The following RFTN1 variants were observed in gnomAD, a reference collection of about 807,000 sequenced individuals.
RFTN1 encodes the protein raftlin, lipid raft linker 1, also known as raftlin.
In RFTN1, 26 loss-of-function variants were observed where a neutral mutation model predicts 46.5. The ratio of observed to expected loss-of-function variants is 0.56; its 90% CI spans 0.41 to 0.78. RFTN1 has a LOEUF of 0.78. Among genes scored for constraint, RFTN1 ranks in the 30% least tolerant of loss-of-function variants. The pLI is 0.00. For synonymous variants in RFTN1, 261 were observed against 284.2 expected, an observed-to-expected ratio of 0.92 and a Z score of 0.82; for missense variants, 693 against 718.7, an observed-to-expected ratio of 0.96 and a Z score of 0.41.
intron 1 of RFTN1, among the ~76,000 whole-genome samples, chr3:16,496,531 T>C (rs2076628911): frequency 6.6e-6 from 1 of 152,180 alleles, no homozygotes; most frequent in African/African-American, 2.4e-5. Context: ...CACAGTGAGA[T>C]TTAACAGGCA....
intron 2 of RFTN1, among the ~76,000 whole-genome samples, chr3:16,438,445 C>T (rs2075557034): frequency 6.6e-6 from 1 of 151,638 alleles, no homozygotes; most frequent in Non-Finnish European, 1.5e-5. Flanking sequence ...ATTAGCTGCG[C>T]ATGTTGGCGT....
intron 4 of RFTN1, among the ~76,000 whole-genome samples, chr3:16,395,558 C>G (rs372285012): frequency 1.1e-4 from 16 of 152,058 alleles, no homozygotes; most frequent in Non-Finnish European, 1.5e-4. Context: ...AGATCCACCC[C>G]CCTCGGCCTC....
intron 2 of RFTN1, among the ~76,000 whole-genome samples, chr3:16,455,360 T>C (rs1473032407): frequency 1.3e-5 from 2 of 152,062 alleles, no homozygotes; most frequent in Non-Finnish European, 2.9e-5. Flanking sequence ...TATGTGAAAA[T>C]CCTCACGCTA....
Position 16,320,374 on chromosome 3 carries a change from GTTTCT to G in RFTN1, c.1332+2997_1332+3001del, listed in dbSNP as rs972224900. ...ACATCCTCGGTGTGCCAATCTTGCA[GTTTCT>G]TTTCTTAAGTTTTAATGCTAGACAT... On this transcript the variant is annotated intron_variant, in intron 9 of 9. Coordinates refer to ENST00000334133, the MANE Select transcript of RFTN1 (RefSeq NM_015150.2). This position sits in a 1 kb window ranked among gnomAD's most constrained non-coding sequence, Gnocchi z 4.5. 1.1e-4 allele frequency among the ~76,000 whole-genome samples: 17 copies of G among 152,326 alleles called. No homozygotes were observed. The highest frequency in any genetic ancestry group is 3.4e-3 in the Middle Eastern group (1 of 294).
At chr3:16,441,675 C>T (rs1246122476) in intron 2 of RFTN1, among the ~76,000 whole-genome samples, 1 of 152,218 alleles carries the variant, frequency 6.6e-6, no homozygotes, top group African/African-American at 2.4e-5. Flanking sequence ...GTGACTTTAA[C>T]CTAATTATTC....
chr3:16,340,997 G>A (rs754805875), intron 7 of RFTN1, among the ~76,000 whole-genome samples: 8 of 152,148 alleles, frequency 5.3e-5, no homozygotes, highest in Non-Finnish European at 1.0e-4. Flanking sequence ...ATGGGCAAAA[G>A]TTCTAAACAA....
chr3:16,459,194 G>A lies in RFTN1; in HGVS notation c.146-25157C>T, dbSNP rs377216519. Among the ~76,000 whole-genome samples the A allele has an allele frequency of 6.6e-6, 1 of 152,128 alleles. No homozygotes were observed. The highest frequency in any genetic ancestry group is 1.5e-5 in the Non-Finnish European group (1 of 68,026). ...AATCCACTCGCCTTAGCCTCCCAAA[G>A]TGCTGGAATTACAGGTATGAGCCAC... On this transcript the variant is annotated intron_variant, in intron 2 of 9. Coordinates refer to ENST00000334133, the MANE Select transcript of RFTN1 (RefSeq NM_015150.2). This position sits in a 1 kb window ranked among gnomAD's most constrained non-coding sequence, Gnocchi z 4.2.
chr3:16,320,311 C>CT lies in RFTN1; in HGVS notation c.1332+3064dup, dbSNP rs1487873409. ...GCTGAAAAGTCCTGATTAGAAAAAT[C>CT]TATCCATGTTGCTGATTAAAAGAAG... is the stretch of plus-strand genomic sequence containing the variant. On this transcript the variant is annotated intron_variant, in intron 9 of 9. Coordinates refer to ENST00000334133, the MANE Select transcript of RFTN1 (RefSeq NM_015150.2). This position sits in a 1 kb window ranked among gnomAD's most constrained non-coding sequence, Gnocchi z 4.5. Among the ~76,000 whole-genome samples the CT allele has an allele frequency of 2.6e-5, 4 of 152,224 alleles. No homozygotes were observed. The highest frequency in any genetic ancestry group is 9.6e-5 in the African/African-American group (4 of 41,458).
In RFTN1 at chr3:16,398,244, C is replaced by CAAAAAAAAAAAAAAAAAAA. The variant is rs202032095; in HGVS notation, c.441+11112_441+11130dup. Among the ~76,000 whole-genome samples, 23 of 110,928 alleles carry CAAAAAAAAAAAAAAAAAAA rather than the reference C, an allele frequency of 2.1e-4. 1 individual carries two copies. The highest frequency in any genetic ancestry group is 5.1e-4 in the African/African-American group (18 of 35,258). 72.8% of individuals were successfully genotyped at this position (110,928 alleles called of 152,430 possible). A position where few individuals can be genotyped will look rare whatever the true frequency, so the allele number is the denominator to read the frequency against. ...CCTGGGTGACAGAGAAAGACTGTCT[C>CAAAAAAAAAAAAAAAAAAA]AAAAAAAAAAAAAAAAAAAAAAAAA... On this transcript the variant is annotated intron_variant, in intron 4 of 9. Coordinates refer to ENST00000334133, the MANE Select transcript of RFTN1 (RefSeq NM_015150.2).
chr3:16,392,523 G>A (rs374631556), intron 4 of RFTN1, among the ~76,000 whole-genome samples: 6 of 151,818 alleles, frequency 4.0e-5, no homozygotes, highest in Non-Finnish European at 7.4e-5. Flanking sequence ...GTTCACTGAC[G>A]GTGCATAATT....
At chr3:16,435,943 TATCA>T (rs1196808474) in intron 2 of RFTN1, among the ~76,000 whole-genome samples, 6 of 141,794 alleles carry the variant, frequency 4.2e-5, no homozygotes, top group South Asian at 2.2e-4. Context: ...TATATATATA[TATCA>T]CACACATATG....
In RFTN1 at chr3:16,353,657, G is replaced by C. The variant is rs1251597790; in HGVS notation, c.1146+4275C>G. On this transcript the variant is annotated intron_variant, in intron 7 of 9. Coordinates refer to ENST00000334133, the MANE Select transcript of RFTN1 (RefSeq NM_015150.2). This position sits in a 1 kb window ranked among gnomAD's most constrained non-coding sequence, Gnocchi z 5.4. ...TGTATTTGGAGATGGGGCCTCTACA[G>C]AAGTAATTAAGGTTAAATGAAGTCA... Among the ~76,000 whole-genome samples, 1 of 152,210 alleles carries C rather than the reference G, an allele frequency of 6.6e-6. No homozygotes were observed. The highest frequency in any genetic ancestry group is 1.5e-5 in the Non-Finnish European group (1 of 68,036).
At chr3:16,343,410 A>G (rs2071436721) in intron 7 of RFTN1, among the ~76,000 whole-genome samples, 1 of 152,200 alleles carries the variant, frequency 6.6e-6, no homozygotes, top group Non-Finnish European at 1.5e-5. Flanking sequence ...CCCTTCAAAG[A>G]TATGAGGAAG....
intron 4 of RFTN1, among the ~76,000 whole-genome samples, chr3:16,389,379 T>A (rs1026248008): frequency 6.6e-6 from 1 of 152,196 alleles, no homozygotes; most frequent in Admixed American, 6.5e-5. Flanking sequence ...CTTTTGTAAA[T>A]ACCCTGGAGA....
intron 1 of RFTN1, among the ~76,000 whole-genome samples, chr3:16,495,267 C>T (rs2076605764): frequency 6.6e-6 from 1 of 152,198 alleles, no homozygotes; most frequent in Non-Finnish European, 1.5e-5. Flanking sequence ...TATTTAACTG[C>T]TGAAAAGCAA....
In RFTN1 at chr3:16,479,046, T is replaced by C. The variant is rs187027854; in HGVS notation, c.145+14679A>G. Among the ~76,000 whole-genome samples the C allele has an allele frequency of 4.6e-5, 7 of 152,358 alleles. No homozygotes were observed. The East Asian group carries it at 1.2e-3, about 25-fold the overall frequency. On this transcript the variant is annotated intron_variant, in intron 2 of 9. Transcript: ENST00000334133. This position sits in a 1 kb window ranked among gnomAD's most constrained non-coding sequence, Gnocchi z 5.1. ...TAGGCAGGGGTCACTGGGGGCCATCTTGGCAGATGTCCACCATGCTACTTG... is the reference window on the plus strand; with the variant it reads ...TAGGCAGGGGTCACTGGGGGCCATCCTGGCAGATGTCCACCATGCTACTTG...
intron 2 of RFTN1, among the ~76,000 whole-genome samples, chr3:16,438,840 G>A (rs552011478): frequency 1.3e-5 from 2 of 151,992 alleles, no homozygotes; most frequent in Non-Finnish European, 2.9e-5. Context: ...TGGTCACCCC[G>A]GGATGGTGAT....
chr3:16,343,251 A>G (rs1186820817), intron 7 of RFTN1, among the ~76,000 whole-genome samples: 1 of 152,154 alleles, frequency 6.6e-6, no homozygotes, highest in Non-Finnish European at 1.5e-5. Flanking sequence ...GTGGTAATGG[A>G]ACATCCAAGT....
chr3:16,502,081 T>A (rs531516540), intron 1 of RFTN1, among the ~76,000 whole-genome samples: 43 of 152,308 alleles, frequency 2.8e-4, no homozygotes, highest in African/African-American at 1.0e-3. Context: ...TTTTCTTTGT[T>A]GAGCATGCAT....
Sources: allele counts gnomAD v4.1 joint callset (sites outside exome capture counted in the v4.1 genomes callset), GRCh38; gene constraint gnomAD v4.1.1; non-coding constraint Gnocchi (gnomAD v3.1); transcripts MANE v1.5; gene names NCBI Gene and HGNC (gene_info 2026-07-23, HGNC 2026-07-21).